The following C10orf67 variants were observed in gnomAD, a reference collection of about 807,000 sequenced individuals.
C10orf67 encodes the protein uncharacterized protein C10orf67, mitochondrial.
C10orf67 carries 60 observed loss-of-function variants against 35.6 expected under a neutral mutation model. That is an observed-to-expected ratio of 1.68 (90% CI 1.37 to 2.09). The LOEUF (loss-of-function observed/expected upper bound fraction) is 2.09, where lower values mean the gene tolerates loss of function less well. C10orf67 is among the 30% of genes most tolerant of loss of function. C10orf67 has a pLI of 0.00. For missense variants in C10orf67, 474 were observed against 330.2 expected, an observed-to-expected ratio of 1.44 and a Z score of -3.38; for synonymous variants, 167 against 115.8, an observed-to-expected ratio of 1.44 and a Z score of -2.84.
At chr10:23,234,579 G>A (rs191639459) in intron 13 of C10orf67, among the ~76,000 whole-genome samples, 14 of 152,080 alleles carry the variant, frequency 9.2e-5, no homozygotes, top group African/African-American at 1.9e-4. Flanking sequence ...AATGGGTTCC[G>A]GACTTAACAC....
At chr10:23,220,394 G>A (rs997002116) in intron 15 of C10orf67, among the ~76,000 whole-genome samples, 8 of 152,202 alleles carry the variant, frequency 5.3e-5, no homozygotes, top group South Asian at 2.1e-4. Context: ...TGGGGTTGCC[G>A]TGTCTGTTTT....
intron 5 of C10orf67, among the ~76,000 whole-genome samples, chr10:23,292,569 C>T (rs1463895816): frequency 1.3e-5 from 2 of 152,130 alleles, no homozygotes; most frequent in African/African-American, 2.4e-5. Context: ...TGGAACTACA[C>T]TTTCATTTAA....
At chr10:23,327,238 A>C (rs966077031) in intron 2 of C10orf67, among the ~76,000 whole-genome samples, 1 of 152,142 alleles carries the variant, frequency 6.6e-6, no homozygotes, top group Non-Finnish European at 1.5e-5. Flanking sequence ...TTAAAAAAGA[A>C]ATTGGCAGAA....
chr10:23,338,899 G>C (rs1422406627), intron 1 of C10orf67, among the ~76,000 whole-genome samples: 1 of 152,168 alleles, frequency 6.6e-6, no homozygotes, highest in African/African-American at 2.4e-5. Context: ...GCACACACCT[G>C]CACTGCCAGC....
intron 12 of C10orf67, among the ~76,000 whole-genome samples, chr10:23,250,030 G>A (rs1842407174): frequency 6.6e-6 from 1 of 152,190 alleles, no homozygotes; most frequent in South Asian, 2.1e-4. Flanking sequence ...GTGAAAAATA[G>A]ATTTGAGAGG....
chr10:23,254,915 C>T (rs1000233009), intron 10 of C10orf67, among the ~76,000 whole-genome samples: 2 of 152,118 alleles, frequency 1.3e-5, no homozygotes, highest in African/African-American at 4.8e-5. Flanking sequence ...TACCTCTATA[C>T]CCTTTAAATC....
At chr10:23,253,352 T>C (rs1842511407) in intron 10 of C10orf67, among the ~76,000 whole-genome samples, 1 of 152,162 alleles carries the variant, frequency 6.6e-6, no homozygotes, top group South Asian at 2.1e-4. Flanking sequence ...TTGGAGTCCC[T>C]CCACCTATTT....
At chr10:23,256,676 T>G (rs1842611672) in intron 10 of C10orf67, among the ~76,000 whole-genome samples, 1 of 150,190 alleles carries the variant, frequency 6.7e-6, no homozygotes, top group African/African-American at 2.4e-5. Context: ...TTGCACTCAC[T>G]CACAAGTTTT....
intron 7 of C10orf67, among the ~76,000 whole-genome samples, chr10:23,285,409 CAA>C (rs1319200187): frequency 4.7e-5 from 7 of 148,696 alleles, no homozygotes; most frequent in Admixed American, 2.0e-4. Context: ...TTATACATAA[CAA>C]AGCTATCAGA....
At chr10:23,245,235 A>T (rs1842287324) in intron 12 of C10orf67, among the ~76,000 whole-genome samples, 1 of 152,236 alleles carries the variant, frequency 6.6e-6, no homozygotes. Flanking sequence ...CATAAACATA[A>T]GTCCTGAAAC....
intron 12 of C10orf67, among the ~76,000 whole-genome samples, chr10:23,246,115 C>A (rs1358759871): frequency 6.6e-6 from 1 of 152,142 alleles, no homozygotes; most frequent in Non-Finnish European, 1.5e-5. Flanking sequence ...AACCAAATAC[C>A]ACATGTTCAC....
At position 23,225,453 on chromosome 10, in the gene C10orf67, T is replaced by G. The variant is rs189271587; in HGVS notation, c.1435-1635A>C. On this transcript the variant is annotated intron_variant, in intron 13 of 15. Transcript: ENST00000636213. ...AAGACCATTAAGGCTAGGAAGAAAC[T>G]GCATCAACCAACGAGCAAAATAACC... Among the ~76,000 whole-genome samples, 313 of 152,206 alleles carry G rather than the reference T, an allele frequency of 2.1e-3. 3 individuals carry two copies. The highest frequency in any genetic ancestry group is 7.2e-3 in the African/African-American group (298 of 41,518).
rs55886336 is a variant in C10orf67 at position 23,322,357 on chromosome 10, A to C, written c.471+37T>G. ...TGCATACACATCTAAGCACAGTATC[A>C]ATCCACATAAAACAAAAGAAATAAG... On this transcript the variant is annotated intron_variant, in intron 3 of 15. Transcript: ENST00000636213. 4.9e-3 allele frequency: 7,865 copies of C among 1,591,258 alleles called. 27 individuals carry two copies. Among genetic ancestry groups the C allele is most frequent in the Non-Finnish European group, 6.1e-3 (7,138 of 1,162,546 alleles).
chr10:23,227,263 G>A (rs1841766689), intron 13 of C10orf67, among the ~76,000 whole-genome samples: 1 of 152,130 alleles, frequency 6.6e-6, no homozygotes, highest in Admixed American at 6.5e-5. Flanking sequence ...TTCATCCCTG[G>A]GATGCAAGGC....
intron 6 of C10orf67, among the ~76,000 whole-genome samples, chr10:23,290,692 T>C (rs1029928504): frequency 6.6e-6 from 1 of 152,240 alleles, no homozygotes; most frequent in Non-Finnish European, 1.5e-5. Context: ...AAGTAACTAG[T>C]AAGTACTAGC....
intron 13 of C10orf67, among the ~76,000 whole-genome samples, chr10:23,226,975 G>C (rs1285281740): frequency 6.6e-6 from 1 of 152,100 alleles, no homozygotes; most frequent in Non-Finnish European, 1.5e-5. Context: ...AAAAGTCCAG[G>C]ACCAGACGGA....
intron 4 of C10orf67, among the ~76,000 whole-genome samples, chr10:23,311,835 T>G (rs1844512297): frequency 6.6e-6 from 1 of 152,184 alleles, no homozygotes; most frequent in Admixed American, 6.5e-5. Flanking sequence ...AAATAAAATT[T>G]CTATATTTTG....
In C10orf67 at chr10:23,237,764, C is replaced by T. The variant is rs551348014; in HGVS notation, c.1434+1965G>A. The stretch of plus-strand genomic sequence containing the variant: ...TGTAGTGATAGAAATCAAAACAACG[C>T]TTATTTGGTGTGGTGATGGGGGCAA... On this transcript the variant is annotated intron_variant, in intron 13 of 15. Coordinates refer to ENST00000636213, the MANE Select transcript of C10orf67 (RefSeq NM_001371909.1). Among the ~76,000 whole-genome samples the T allele has an allele frequency of 5.9e-5, 9 of 152,208 alleles. No homozygotes were observed. In the South Asian group the frequency reaches 1.7e-3, roughly 28 times the overall value.
At chr10:23,250,858 G>A (rs1842429985) in intron 10 of C10orf67, among the ~76,000 whole-genome samples, 167 bp from the exon 11 acceptor site, 1 of 151,858 alleles carries the variant, frequency 6.6e-6, no homozygotes, top group Non-Finnish European at 1.5e-5. Context: ...AACATTTTGG[G>A]AAGCCAAAGT....
Sources: allele counts gnomAD v4.1 joint callset (sites outside exome capture counted in the v4.1 genomes callset), GRCh38; gene constraint gnomAD v4.1.1; transcripts MANE v1.5; gene names NCBI Gene and HGNC (gene_info 2026-07-23, HGNC 2026-07-21).